The following TMEM47 variants were observed in gnomAD, a reference collection of about 807,000 sequenced individuals.
The protein encoded by TMEM47 is transmembrane protein 47.
TMEM47 carries 3 observed loss-of-function variants against 12.4 expected under a neutral mutation model. The ratio of observed to expected loss-of-function variants is 0.24; its 90% CI spans 0.11 to 0.63. The LOEUF (loss-of-function observed/expected upper bound fraction) is 0.63, where lower values mean the gene tolerates loss of function less well. Among genes scored for constraint, TMEM47 ranks in the 20% least tolerant of loss-of-function variants. The pLI, the probability that TMEM47 is intolerant of heterozygous loss-of-function variation, is 0.86. For synonymous variants in TMEM47, 62 were observed against 63.3 expected (o/e 0.98, Z 0.10); for missense variants, 89 against 143.8 (o/e 0.62, Z 1.95).
At chrX:34,640,807 C>T (rs2147139296) in intron 1 of TMEM47, among the ~76,000 whole-genome samples, 1 of 111,706 alleles carries the variant, frequency 9.0e-6, no homozygotes, top group East Asian at 2.8e-4. Flanking sequence ...CAAGCATCCT[C>T]TTCCACATCT....
At chrX:34,642,468 C>A in intron 1 of TMEM47, among the ~76,000 whole-genome samples, 1 of 111,741 alleles carries the variant, frequency 8.9e-6, no homozygotes, top group Non-Finnish European at 1.9e-5. Context: ...TAGTAGAAAG[C>A]ACCAGGAGAA....
chrX:34,629,698 A>C lies in TMEM47; in HGVS notation c.*615T>G, dbSNP rs1921577840. 1 of 111,628 alleles carries C rather than the reference A, an allele frequency of 9.0e-6. No individual in the cohort carries two copies. 9.2% of individuals were successfully genotyped at this position (111,628 alleles called of 1,213,427 possible). On this transcript the variant is annotated 3_prime_UTR_variant, in exon 3 of 3. Transcript: ENST00000275954. Reference sequence around the variant, plus strand: ...ACATAATGAGAAGCACATGTCTCCAAGTCTTGACTCTCTTCCCAGGGAGAC... The same window carrying C: ...ACATAATGAGAAGCACATGTCTCCACGTCTTGACTCTCTTCCCAGGGAGAC...
chrX:34,636,754 C>T (rs183972245), intron 2 of TMEM47, among the ~76,000 whole-genome samples: 1 of 111,997 alleles, frequency 8.9e-6, no homozygotes, highest in African/African-American at 3.2e-5. Context: ...TTTATGACAT[C>T]TCAAGGTACT....
chrX:34,645,356 G>C lies in TMEM47; in HGVS notation c.227-5969C>G, dbSNP rs142909434. Among the ~76,000 whole-genome samples, 238 of 112,086 alleles carry C rather than the reference G, an allele frequency of 2.1e-3. 2 individuals carry two copies. Among genetic ancestry groups the C allele is most frequent in the African/African-American group, 7.4e-3 (228 of 30,930 alleles). On this transcript the variant is annotated intron_variant, in intron 1 of 2. Coordinates refer to ENST00000275954, the MANE Select transcript of TMEM47 (RefSeq NM_031442.4). ...TGGCATTTAATTATTTTCACGAAAT[G>C]TAACTAAAGAATTTATCTTAATATT...
chrX:34,656,622 G>A (rs1397925371), intron 1 of TMEM47, among the ~76,000 whole-genome samples, 182 bp downstream of exon 1: 1 of 111,307 alleles, frequency 9.0e-6, no homozygotes, highest in East Asian at 2.9e-4. Context: ...GGGATGGGGA[G>A]GGAAGAGGGG....
rs908452082 is a variant in TMEM47 at position 34,657,110 on chromosome X, A to C, written c.-81T>G. The C allele has an allele frequency of 1.1e-5, 12 of 1,056,811 alleles. No homozygotes were observed. The highest frequency in any genetic ancestry group is 2.0e-5 in the African/African-American group (1 of 50,420). 87.1% of individuals were successfully genotyped at this position (1,056,811 alleles called of 1,213,427 possible). A position where few individuals can be genotyped will look rare whatever the true frequency, so the allele number is the denominator to read the frequency against. Reference sequence around the variant, plus strand: ...GAGAGCCGGGAGCCGGACCTCCCGAAGGGAGAAGCCGCCGAGCTGCCACGC... The same window carrying C: ...GAGAGCCGGGAGCCGGACCTCCCGACGGGAGAAGCCGCCGAGCTGCCACGC... On this transcript the variant is annotated 5_prime_UTR_variant, in exon 1 of 3. Transcript: ENST00000275954.
At chrX:34,648,010 A>G (rs149617452) in intron 1 of TMEM47, among the ~76,000 whole-genome samples, 1,117 of 111,647 alleles carry the variant, frequency 0.01, 16 homozygotes, top group African/African-American at 0.034. Flanking sequence ...AAAGATCTAC[A>G]GGGATAATTA....
Position 34,650,819 on chromosome X carries a change from G to T in TMEM47, c.226+5985C>A, listed in dbSNP as rs778956253. ...TTTTACATGTATCTCTCTGTTTGTG[G>T]AAAAGTTAGGTTCTCGAGTTCATTC... On this transcript the variant is annotated intron_variant, in intron 1 of 2. Transcript: ENST00000275954. Among the ~76,000 whole-genome samples the T allele has an allele frequency of 4.5e-5, 5 of 111,936 alleles. No homozygotes were observed. In the East Asian group the frequency reaches 1.1e-3, roughly 25 times the overall value.
In TMEM47 at chrX:34,651,008, T is replaced by C. The variant is rs1021751227; in HGVS notation, c.226+5796A>G. ...GTTGGCCGTTTGTTGTTGTTGTTGT[T>C]GTTCTTCAAAGGCAATAAAGAATGC... is the stretch of plus-strand genomic sequence containing the variant. On this transcript the variant is annotated intron_variant, in intron 1 of 2. Transcript: ENST00000275954. Among the ~76,000 whole-genome samples the C allele has an allele frequency of 5.4e-5, 6 of 111,817 alleles. No individual in the cohort carries two copies. The Admixed American group carries it at 5.7e-4, about 11-fold the overall frequency.
Position 34,657,254 on chromosome X carries a change from G to T in TMEM47, c.-225C>A, listed in dbSNP as rs1042686128. 15 of 388,126 alleles carry T rather than the reference G, an allele frequency of 3.9e-5. No homozygotes were observed. Among genetic ancestry groups the T allele is most frequent in the African/African-American group, 8.0e-5 (3 of 37,500 alleles). The allele number at this position is 388,126 out of a possible 1,213,427, so 32.0% of individuals were successfully genotyped here. On this transcript the variant is annotated 5_prime_UTR_variant, in exon 1 of 3. Transcript: ENST00000275954. ...GCCGCAGCGACGTCGATTCCACCCC[G>T]GACCTTCGCCGCCGGCCCCGCGCCG...
rs755517796 is a variant in TMEM47 at position 34,627,077 on chromosome X, C to G, written c.*3236G>C. ...AGACGACACAAATTCAAACCACATC[C>G]GTGAAATCACTTTTATTTTTATTTT... On this transcript the variant is annotated 3_prime_UTR_variant, in exon 3 of 3. Coordinates refer to ENST00000275954, the MANE Select transcript of TMEM47 (RefSeq NM_031442.4). 50 of 111,421 alleles carry G rather than the reference C, an allele frequency of 4.5e-4. No homozygotes were observed. Among genetic ancestry groups the G allele is most frequent in the African/African-American group, 1.5e-3 (47 of 30,703 alleles). 9.2% of individuals were successfully genotyped at this position (111,421 alleles called of 1,213,427 possible).
Position 34,630,299 on chromosome X carries a change from T to A in TMEM47, c.*14A>T, listed in dbSNP as rs780786653. On this transcript the variant is annotated 3_prime_UTR_variant, in exon 3 of 3. Coordinates refer to ENST00000275954, the MANE Select transcript of TMEM47 (RefSeq NM_031442.4). ...TGGATGGTGGTGGTTGTTTTTACTT[T>A]GAGACTATTGGTTCTAGTAGTAGTC... The A allele has an allele frequency of 8.5e-7, 1 of 1,171,667 alleles. No homozygotes were observed. Among genetic ancestry groups the A allele is most frequent in the Non-Finnish European group, 1.1e-6 (1 of 871,540 alleles).
In TMEM47 at chrX:34,630,172, CA is replaced by C. The variant is rs1921586675; in HGVS notation, c.*140del. 1 of 621,508 alleles carries C rather than the reference CA, an allele frequency of 1.6e-6. No homozygotes were observed. Among genetic ancestry groups the C allele is most frequent in the East Asian group, 3.5e-5 (1 of 28,573 alleles). 51.2% of individuals were successfully genotyped at this position (621,508 alleles called of 1,213,427 possible). ...AAAAGCTGGTTATGATGTTGACAGC[CA>C]AAAGGCAAAAAAGATTAAATCAACT... On this transcript the variant is annotated 3_prime_UTR_variant, in exon 3 of 3. Coordinates refer to ENST00000275954, the MANE Select transcript of TMEM47 (RefSeq NM_031442.4).
chrX:34,635,015 C>T (rs1279611432), intron 2 of TMEM47, among the ~76,000 whole-genome samples: 6 of 111,861 alleles, frequency 5.4e-5, no homozygotes, highest in Non-Finnish European at 9.4e-5. Flanking sequence ...TTCCCCACTT[C>T]AGTACATGCT....
At chrX:34,655,528 C>G (rs1922089510) in intron 1 of TMEM47, among the ~76,000 whole-genome samples, 1 of 111,578 alleles carries the variant, frequency 9.0e-6, no homozygotes, top group South Asian at 3.8e-4. Context: ...AAAGAAAAAG[C>G]CTTTTTTAAA....
intron 1 of TMEM47, among the ~76,000 whole-genome samples, chrX:34,655,873 A>C (rs1445748101): frequency 2.7e-5 from 3 of 111,716 alleles, no homozygotes; most frequent in African/African-American, 9.8e-5. Flanking sequence ...CAGTTGAAGA[A>C]TCAAAATTAG....
At position 34,639,363 on chromosome X, in the gene TMEM47, A is replaced by G; in HGVS notation, c.251T>C (p.Leu84Ser). The G allele has an allele frequency of 8.3e-7, 1 of 1,208,714 alleles. No individual in the cohort carries two copies. The highest frequency in any genetic ancestry group is 1.8e-5 in the South Asian group (1 of 56,246). ...SSDWQIATLA[L>S]LLGGAAIILI... ...AATGATGGCAGCGCCGCCCAGGAGT[A>G]AAGCCAGAGTAGCAATCTGCCAATC... is the stretch of plus-strand genomic sequence containing the variant. Residue 84 changes from leucine to serine, a missense_variant, in exon 2 of 3, where the codon TTA (leucine) becomes TCA (serine). Leu to Ser is a moderately radical substitution (Grantham distance 145). Coordinates refer to ENST00000275954, the MANE Select transcript of TMEM47 (RefSeq NM_031442.4).
In TMEM47 at chrX:34,628,517, G is replaced by A. The variant is rs1242153560; in HGVS notation, c.*1796C>T. 9.2e-6 allele frequency: 1 copy of A among 109,087 alleles called. No homozygotes were observed. The highest frequency in any genetic ancestry group is 1.9e-5 in the Non-Finnish European group (1 of 52,418). 9.0% of individuals were successfully genotyped at this position (109,087 alleles called of 1,213,427 possible). A position where few individuals can be genotyped will look rare whatever the true frequency, so the allele number is the denominator to read the frequency against. ...ATTCGTGATTTTATAGAAAATTCAT[G>A]TGTGTTTTCTAGCATTTGGATAATA... is the stretch of plus-strand genomic sequence containing the variant. On this transcript the variant is annotated 3_prime_UTR_variant, in exon 3 of 3. Transcript: ENST00000275954.
chrX:34,632,975 C>T (rs1044853574), intron 2 of TMEM47, among the ~76,000 whole-genome samples: 1 of 110,627 alleles, frequency 9.0e-6, no homozygotes, highest in Non-Finnish European at 1.9e-5. Flanking sequence ...AGGCACTTCT[C>T]CTTAGGTTTC....
Sources: gnomAD v4.1 joint callset for allele counts (sites outside exome capture counted in the v4.1 genomes callset) on GRCh38, gnomAD v4.1.1 for gene constraint, MANE v1.5 for transcripts, NCBI Gene and HGNC (gene_info 2026-07-23, HGNC 2026-07-21) for gene names.